The following PDE4D variants were observed in gnomAD, a reference collection of about 807,000 sequenced individuals.
PDE4D encodes phosphodiesterase 4D, also known as 3',5'-cyclic-AMP phosphodiesterase 4D.
In PDE4D, 24 loss-of-function variants were observed where a neutral mutation model predicts 87.4. The ratio of observed to expected loss-of-function variants is 0.27; its 90% CI spans 0.20 to 0.39. The LOEUF is 0.39. Among genes scored for constraint, PDE4D ranks in the 10% least tolerant of loss-of-function variants. PDE4D has a pLI of 1.00. For missense variants in PDE4D, 714 were observed against 1,041.0 expected, an observed-to-expected ratio of 0.69 and a Z score of 4.32; for synonymous variants, 384 against 383.2, an observed-to-expected ratio of 1.00 and a Z score of -0.02.
chr5:59,174,540 A>G (rs1278650364), intron 5 of PDE4D: 1 of 152,622 alleles, frequency 6.6e-6, no homozygotes, highest in East Asian at 1.9e-4. Flanking sequence ...GCTGGTCTCT[A>G]TGCCTCTGGG....
chr5:60,320,333 G>A (rs1476970997), intron 1 of PDE4D, among the ~76,000 whole-genome samples: 6 of 152,190 alleles, frequency 3.9e-5, no homozygotes, highest in African/African-American at 1.2e-4. Context: ...TGTTGGAAAA[G>A]TGCAGTATTA....
chr5:60,344,404 G>A (rs1295504494), intron 1 of PDE4D, among the ~76,000 whole-genome samples: 1 of 151,848 alleles, frequency 6.6e-6, no homozygotes, highest in Non-Finnish European at 1.5e-5. Context: ...CTGTAACAAA[G>A]TGAATATATC....
chr5:60,094,859 T>C (rs1267576047), intron 2 of PDE4D, among the ~76,000 whole-genome samples: 13 of 152,096 alleles, frequency 8.5e-5, no homozygotes, highest in African/African-American at 3.1e-4. Flanking sequence ...ACTTTTGTTA[T>C]GGAAGCCCTA....
chr5:60,314,174 T>TTC (rs1755317061), intron 1 of PDE4D, among the ~76,000 whole-genome samples: 1 of 151,990 alleles, frequency 6.6e-6, no homozygotes, highest in Non-Finnish European at 1.5e-5. Flanking sequence ...AGTATGATTT[T>TTC]TTTTTTTTTT....
At chr5:59,812,208 C>G (rs1367553582) in intron 1 of PDE4D, among the ~76,000 whole-genome samples, 1 of 152,180 alleles carries the variant, frequency 6.6e-6, no homozygotes, top group Non-Finnish European at 1.5e-5. Flanking sequence ...AATCTGAGGT[C>G]CACGTCTGAA....
At chr5:59,114,936 C>A (rs1011460447) in intron 5 of PDE4D, among the ~76,000 whole-genome samples, 2 of 151,662 alleles carry the variant, frequency 1.3e-5, no homozygotes, top group East Asian at 3.9e-4. Flanking sequence ...AGTTTGGGTG[C>A]GAAAATCAAT....
intron 1 of PDE4D, among the ~76,000 whole-genome samples, chr5:59,552,678 C>T (rs952596471): frequency 6.6e-6 from 1 of 152,162 alleles, no homozygotes; most frequent in African/African-American, 2.4e-5. Context: ...CACTGTGGCA[C>T]CTGTCAATAC....
intron 1 of PDE4D, among the ~76,000 whole-genome samples, chr5:59,284,683 A>G (rs1766539456): frequency 8.1e-6 from 1 of 123,122 alleles, no homozygotes; most frequent in South Asian, 3.1e-4. Flanking sequence ...AACTAGAAAT[A>G]CCATTTGACC....
intron 1 of PDE4D, among the ~76,000 whole-genome samples, chr5:59,558,976 A>G (rs1042687351): frequency 6.6e-6 from 1 of 152,068 alleles, no homozygotes; most frequent in Non-Finnish European, 1.5e-5. Context: ...TGTAAGCTAG[A>G]CACTTCTTGA....
At chr5:59,202,288 C>T (rs1386199147) in intron 2 of PDE4D, among the ~76,000 whole-genome samples, 1 of 152,054 alleles carries the variant, frequency 6.6e-6, no homozygotes, top group Non-Finnish European at 1.5e-5. Flanking sequence ...GATCCACCTG[C>T]CTCGGCCTCC....
In PDE4D at chr5:59,712,458, G is replaced by A. The variant is rs1754349074; in HGVS notation, c.455+180710C>T. ...AGTTGTTTTATTCTAAGTTCTTTAT[G>A]TTACTCATTAAAACCCCACCATTGT... On this transcript the variant is annotated intron_variant, in intron 1 of 14. Transcript: ENST00000340635. Among the ~76,000 whole-genome samples, 7 of 136,590 alleles carry A rather than the reference G, an allele frequency of 5.1e-5. No homozygotes were observed. The South Asian group carries it at 1.6e-3, about 32-fold the overall frequency. 89.6% of individuals were successfully genotyped at this position (136,590 alleles called of 152,430 possible). A position where few individuals can be genotyped will look rare whatever the true frequency, so the allele number is the denominator to read the frequency against.
In PDE4D at chr5:60,058,628, A is replaced by C. The variant is rs139922149; in HGVS notation, c.43-69911T>G. 3.0e-4 allele frequency among the ~76,000 whole-genome samples: 45 copies of C among 152,078 alleles called. No individual in the cohort carries two copies. In the East Asian group the frequency reaches 7.9e-3, roughly 27 times the overall value. On this transcript the variant is annotated intron_variant, in intron 2 of 16. Transcript: ENST00000502484. ...AGCTGCTAAAAGTATTTCTACATAAAGCTCTTTTATGGGATGGAACTGAGA... is the reference window on the plus strand; with the variant it reads ...AGCTGCTAAAAGTATTTCTACATAACGCTCTTTTATGGGATGGAACTGAGA...
At chr5:59,050,783 G>A (rs772506775) in intron 5 of PDE4D, among the ~76,000 whole-genome samples, 4 of 152,094 alleles carry the variant, frequency 2.6e-5, no homozygotes, top group Non-Finnish European at 4.4e-5. Flanking sequence ...AAAGACCTGA[G>A]CACATTGTAT....
At chr5:60,094,453 G>C (rs1170848073) in intron 2 of PDE4D, among the ~76,000 whole-genome samples, 4 of 152,038 alleles carry the variant, frequency 2.6e-5, no homozygotes, top group Admixed American at 1.3e-4. Context: ...GGTCTCCCCA[G>C]AATTCATATA....
In PDE4D at chr5:59,716,277, G is replaced by A. The variant is rs1580639707; in HGVS notation, c.455+176891C>T. On this transcript the variant is annotated intron_variant, in intron 1 of 14. Transcript: ENST00000340635. ...TATTGTCTGTAAAAGGTACAACTAC[G>A]CTGCTGACGCTGTACATACATCTTG... is the stretch of plus-strand genomic sequence containing the variant. 1.3e-5 allele frequency among the ~76,000 whole-genome samples: 2 copies of A among 152,174 alleles called. 1 individual carries two copies. The highest frequency in any genetic ancestry group is 4.1e-4 in the South Asian group (2 of 4,836).
At chr5:59,914,385 G>A (rs1027403032) in intron 3 of PDE4D, among the ~76,000 whole-genome samples, 2 of 152,102 alleles carry the variant, frequency 1.3e-5, no homozygotes, top group African/African-American at 4.8e-5. Context: ...GGTGATTTTT[G>A]AGCAGAGACC....
intron 1 of PDE4D, among the ~76,000 whole-genome samples, chr5:60,322,770 TTCTTATAAGTTTTGTCTC>T (rs1562323575): frequency 6.6e-6 from 1 of 152,208 alleles, no homozygotes; most frequent in Non-Finnish European, 1.5e-5. Context: ...TGTTCTTCTC[TTCTTATAAGTTTTGTCTC>T]TCTGTTCTCA....
At chr5:60,040,062 C>T (rs1768292139) in intron 2 of PDE4D, among the ~76,000 whole-genome samples, 1 of 152,172 alleles carries the variant, frequency 6.6e-6, no homozygotes, top group South Asian at 2.1e-4. Context: ...TCCCAATTAC[C>T]TTTATTTCTT....
intron 1 of PDE4D, among the ~76,000 whole-genome samples, chr5:59,463,674 G>T (rs577134471): frequency 6.6e-6 from 1 of 152,184 alleles, no homozygotes; most frequent in African/African-American, 2.4e-5. Flanking sequence ...CTTAAAAAAT[G>T]TTTCTGCTAG....
Sources: allele counts gnomAD v4.1 joint callset (sites outside exome capture counted in the v4.1 genomes callset), GRCh38; gene constraint gnomAD v4.1.1; transcripts MANE v1.5; gene names NCBI Gene and HGNC (gene_info 2026-07-23, HGNC 2026-07-21).